The following FBXW11 variants were observed in gnomAD, a reference collection of about 807,000 sequenced individuals.
The protein encoded by FBXW11 is F-box/WD repeat-containing protein 11.
FBXW11 carries 19 observed loss-of-function variants against 77.6 expected under a neutral mutation model. The ratio of observed to expected loss-of-function variants is 0.24; its 90% confidence interval spans 0.17 to 0.36. The LOEUF (loss-of-function observed/expected upper bound fraction) is 0.36. FBXW11 is among the 10% of genes least tolerant of loss of function. FBXW11 has a pLI of 1.00. For missense variants in FBXW11, 334 were observed against 704.2 expected (o/e 0.47, Z 5.95); for synonymous variants, 235 against 249.4 (o/e 0.94, Z 0.54).
At chr5:171,996,963 A>G (rs1205685622) in intron 1 of FBXW11, 1 of 1,289,862 alleles carries the variant, frequency 7.8e-7, no homozygotes, top group Non-Finnish European at 1.0e-6. Context: ...CTAGTCTGAG[A>G]AAAGACAGCA....
intron 2 of FBXW11, among the ~76,000 whole-genome samples, chr5:171,915,650 T>TGTGTGTGTGTGTGTGTGA (rs982596459): frequency 7.7e-4 from 117 of 151,294 alleles, no homozygotes; most frequent in Admixed American, 1.5e-3. Flanking sequence ...TGTGTGTGTG[T>TGTGTGTGTGTGTGTGTGA]GAGCCTGAGC....
In FBXW11 at chr5:172,006,618, C is replaced by T. The variant is rs535783766; in HGVS notation, c.-116G>A. The T allele has an allele frequency of 2.3e-6, 3 of 1,301,688 alleles. No homozygotes were observed. Among genetic ancestry groups the T allele is most frequent in the Admixed American group, 4.2e-5 (1 of 23,692 alleles). 80.6% of individuals were successfully genotyped at this position (1,301,688 alleles called of 1,614,324 possible). A position where few individuals can be genotyped will look rare whatever the true frequency, so the allele number is the denominator to read the frequency against. On this transcript the variant is annotated 5_prime_UTR_variant, in exon 1 of 14. Transcript: ENST00000517395. ...CGGCTATCGCACCCACTCTAGCTGC[C>T]AGCCCGCCCGGGCCGCCGGCAGCTC...
intron 1 of FBXW11, among the ~76,000 whole-genome samples, chr5:171,969,445 T>C (rs1314651909): frequency 6.6e-6 from 1 of 152,252 alleles, no homozygotes; most frequent in Non-Finnish European, 1.5e-5. Context: ...ATTTCTATTT[T>C]ATCTTTTTCA....
At chr5:171,981,248 A>G (rs1765129222) in intron 1 of FBXW11, among the ~76,000 whole-genome samples, 1 of 152,098 alleles carries the variant, frequency 6.6e-6, no homozygotes, top group South Asian at 2.1e-4. Flanking sequence ...CAGAGACAGA[A>G]GCTCCTGCAC....
chr5:171,953,281 C>G (rs1365248417), intron 2 of FBXW11, among the ~76,000 whole-genome samples: 1 of 152,120 alleles, frequency 6.6e-6, no homozygotes, highest in African/African-American at 2.4e-5. Flanking sequence ...TAGGGGTAAG[C>G]GACCATGCTC....
chr5:171,896,181 A>G (rs987740396), intron 6 of FBXW11, among the ~76,000 whole-genome samples: 17 of 152,154 alleles, frequency 1.1e-4, no homozygotes, highest in African/African-American at 4.1e-4. Flanking sequence ...GGGAACGTAC[A>G]GATTACAGGA....
chr5:171,893,421 C>CCAAAAAAAAAAAAAAAAAAAAAAAAAAA (rs1759496192), intron 6 of FBXW11, among the ~76,000 whole-genome samples: 1 of 39,854 alleles, frequency 2.5e-5, no homozygotes, highest in African/African-American at 8.4e-5. Context: ...ACTTCAAAAC[C>CCAAAAAAAAAAAAAAAAAAAAAAAAAAA]AAAAAAAAAA....
At chr5:171,969,706 TTG>T (rs1318066676) in intron 1 of FBXW11, among the ~76,000 whole-genome samples, 3 of 145,036 alleles carry the variant, frequency 2.1e-5, no homozygotes, top group Non-Finnish European at 3.0e-5. Flanking sequence ...GCAGCTTTTT[TTG>T]TTTTTGTTTT....
At chr5:171,901,693 C>T (rs1055522539) in intron 4 of FBXW11, among the ~76,000 whole-genome samples, 1 of 152,168 alleles carries the variant, frequency 6.6e-6, no homozygotes, top group African/African-American at 2.4e-5. Flanking sequence ...AGAATAAAAT[C>T]CCAGGCCTCT....
At chr5:171,954,251 GACTAGAGC>G (rs1214150743) in intron 2 of FBXW11, among the ~76,000 whole-genome samples, 2 of 152,210 alleles carry the variant, frequency 1.3e-5, no homozygotes, top group Admixed American at 1.3e-4. Context: ...ACAGACTGGT[GACTAGAGC>G]ACTGGCTTTG....
chr5:171,952,230 A>G (rs918032757), intron 2 of FBXW11, among the ~76,000 whole-genome samples: 4 of 151,280 alleles, frequency 2.6e-5, no homozygotes, highest in African/African-American at 4.9e-5. Context: ...AGACAGGAGG[A>G]AGTAAGGCCC....
chr5:171,928,587 A>G (rs1367119025), intron 2 of FBXW11, among the ~76,000 whole-genome samples: 2 of 152,246 alleles, frequency 1.3e-5, no homozygotes, highest in Admixed American at 6.5e-5. Flanking sequence ...GAAGATTGTA[A>G]TCGGTGCATT....
At chr5:171,924,360 C>G (rs927975104) in intron 2 of FBXW11, among the ~76,000 whole-genome samples, 2 of 152,232 alleles carry the variant, frequency 1.3e-5, no homozygotes, top group Admixed American at 6.5e-5. Context: ...TGGATAATGC[C>G]TTTTAATCAA....
At chr5:171,910,043 T>C (rs912288783) in intron 4 of FBXW11, among the ~76,000 whole-genome samples, 3 of 150,534 alleles carry the variant, frequency 2.0e-5, no homozygotes, top group African/African-American at 7.3e-5. Context: ...AAGCAACAGT[T>C]ATGACCAATA....
intron 1 of FBXW11, among the ~76,000 whole-genome samples, chr5:171,987,621 T>A (rs1413058779): frequency 1.1e-4 from 17 of 152,004 alleles, no homozygotes; most frequent in Non-Finnish European, 4.4e-5. Flanking sequence ...CCAGCTACTT[T>A]TTTTGTATTT....
chr5:171,978,495 C>T (rs995921238), intron 1 of FBXW11, among the ~76,000 whole-genome samples: 12 of 152,144 alleles, frequency 7.9e-5, no homozygotes, highest in Non-Finnish European at 1.8e-4. Context: ...AGAACCCCAC[C>T]TCAAAGCAGC....
In FBXW11 at chr5:171,936,397, G is replaced by A. The variant is rs553073016; in HGVS notation, c.147+21200C>T. ...TCCCAGTGACTTGGTAGGCTGAGGCGGGCGGCCCCAATCACTTGAGCCCAG... is the reference window on the plus strand; with the variant it reads ...TCCCAGTGACTTGGTAGGCTGAGGCAGGCGGCCCCAATCACTTGAGCCCAG... On this transcript the variant is annotated intron_variant, in intron 2 of 13. Coordinates refer to ENST00000517395, the MANE Select transcript of FBXW11 (RefSeq NM_001378974.1). 5.3e-5 allele frequency among the ~76,000 whole-genome samples: 8 copies of A among 151,206 alleles called. No individual in the cohort carries two copies. The South Asian group carries it at 6.3e-4, about 12-fold the overall frequency.
intron 8 of FBXW11, 106 bp downstream of exon 8, chr5:171,877,905 A>C: frequency 2.5e-6 from 2 of 809,768 alleles, no homozygotes; most frequent in Non-Finnish European, 4.1e-6. Context: ...GAAATACAGC[A>C]TGTAAAAATG....
chr5:171,893,981 G>A (rs1581162670), intron 6 of FBXW11, among the ~76,000 whole-genome samples: 1 of 148,886 alleles, frequency 6.7e-6, no homozygotes, highest in African/African-American at 2.5e-5. Context: ...ATTTAAAAGA[G>A]GGGATGGGGG....
Sources: gnomAD v4.1 joint callset for allele counts (sites outside exome capture counted in the v4.1 genomes callset) on GRCh38, gnomAD v4.1.1 for gene constraint, MANE v1.5 for transcripts, NCBI Gene and HGNC (gene_info 2026-07-23, HGNC 2026-07-21) for gene names.